Variants in CFAP20DC observed in about 807,000 individuals in gnomAD.
CFAP20DC encodes protein CFAP20DC.
CFAP20DC carries 84 observed loss-of-function variants against 101.7 expected under a neutral mutation model. The observed-to-expected ratio is 0.83, with a 90% CI of 0.69 to 0.99. The LOEUF (loss-of-function observed/expected upper bound fraction) is 0.99, where lower values mean the gene tolerates loss of function less well. Among genes scored for constraint, CFAP20DC ranks in the 50% least tolerant of loss-of-function variants. The pLI is 0.00. For synonymous variants in CFAP20DC, 359 were observed against 351.2 expected (o/e 1.02, Z -0.25); for missense variants, 1,007 against 970.3 (o/e 1.04, Z -0.50).
chr3:58,754,177 C>T (rs3762705), intron 15 of CFAP20DC, among the ~76,000 whole-genome samples: 12,625 of 152,116 alleles, frequency 0.083, 895 homozygotes, highest in East Asian at 0.35. Context: ...TCAGAGGAAA[C>T]GTAGCTGAGA....
At chr3:58,807,263 T>G (rs1330852837) in intron 14 of CFAP20DC, among the ~76,000 whole-genome samples, 1 of 152,166 alleles carries the variant, frequency 6.6e-6, no homozygotes, top group Non-Finnish European at 1.5e-5. Flanking sequence ...GACTGCCTCC[T>G]CAAGTGGGTC....
chr3:58,822,472 G>T (rs149623560), intron 14 of CFAP20DC, among the ~76,000 whole-genome samples: 1,572 of 150,340 alleles, frequency 0.01, 54 homozygotes, highest in African/African-American at 0.036. Flanking sequence ...AGCATCAGGA[G>T]ATATACCTAA....
intron 3 of CFAP20DC, among the ~76,000 whole-genome samples, chr3:59,043,005 G>A (rs1367097153): frequency 6.6e-6 from 1 of 152,190 alleles, no homozygotes; most frequent in Non-Finnish European, 1.5e-5. Flanking sequence ...AAGGAATTTC[G>A]AGGAGTAAAG....
At chr3:58,789,372 G>T (rs186948122) in intron 15 of CFAP20DC, among the ~76,000 whole-genome samples, 1 of 152,218 alleles carries the variant, frequency 6.6e-6, no homozygotes, top group African/African-American at 2.4e-5. Context: ...AGCTCTCTGG[G>T]CTTTTGTAAA....
intron 14 of CFAP20DC, among the ~76,000 whole-genome samples, chr3:58,829,570 T>C (rs903498812): frequency 6.6e-6 from 1 of 152,176 alleles, no homozygotes; most frequent in African/African-American, 2.4e-5. Context: ...GATGCAATAA[T>C]AAACATATCT....
intron 4 of CFAP20DC, among the ~76,000 whole-genome samples, chr3:58,996,863 C>A (rs550015661): frequency 2.6e-4 from 40 of 152,314 alleles, no homozygotes; most frequent in Middle Eastern, 3.4e-3. Flanking sequence ...GAGGGGTTCT[C>A]CAACAGGCAT....
At chr3:58,834,548 G>T (rs750502320) in intron 13 of CFAP20DC, among the ~76,000 whole-genome samples, 11 of 152,136 alleles carry the variant, frequency 7.2e-5, no homozygotes, top group Non-Finnish European at 1.5e-4. Flanking sequence ...TAGGAGAGAA[G>T]AATAAGAGAG....
intron 5 of CFAP20DC, among the ~76,000 whole-genome samples, chr3:58,929,123 G>C (rs190052365): frequency 6.6e-6 from 1 of 152,098 alleles, no homozygotes; most frequent in Admixed American, 6.6e-5. Context: ...CTCATTTATC[G>C]AATATGAAAG....
At chr3:59,030,739 T>G (rs1441988233) in intron 4 of CFAP20DC, among the ~76,000 whole-genome samples, 3 of 152,234 alleles carry the variant, frequency 2.0e-5, no homozygotes, top group Non-Finnish European at 4.4e-5. Flanking sequence ...AGATATCAAC[T>G]GCTCTCTGGC....
At chr3:58,985,955 T>C (rs1031277042) in intron 4 of CFAP20DC, among the ~76,000 whole-genome samples, 3 of 152,216 alleles carry the variant, frequency 2.0e-5, no homozygotes, top group Non-Finnish European at 4.4e-5. Context: ...GATGAGAGAA[T>C]GTCCAGACAG....
At chr3:58,806,702 G>T (rs1459416763) in intron 14 of CFAP20DC, among the ~76,000 whole-genome samples, 1 of 152,216 alleles carries the variant, frequency 6.6e-6, no homozygotes, top group Non-Finnish European at 1.5e-5. Flanking sequence ...ACTAGGGAGT[G>T]CCAGATAGTG....
intron 4 of CFAP20DC, among the ~76,000 whole-genome samples, chr3:58,999,756 T>A (rs371605477): frequency 1.3e-5 from 2 of 151,072 alleles, no homozygotes; most frequent in Non-Finnish European, 2.9e-5. Context: ...AAATACTACA[T>A]CTGAATTTTC....
At chr3:58,776,601 C>G (rs2071359555) in intron 15 of CFAP20DC, among the ~76,000 whole-genome samples, 2 of 150,332 alleles carry the variant, frequency 1.3e-5, no homozygotes, top group Non-Finnish European at 3.0e-5. Context: ...AATATATAAG[C>G]TAGAATTCAA....
At chr3:58,806,001 C>T (rs1443311414) in intron 15 of CFAP20DC, among the ~76,000 whole-genome samples, 1 of 152,168 alleles carries the variant, frequency 6.6e-6, no homozygotes, top group East Asian at 1.9e-4. Flanking sequence ...ATTTACCAAA[C>T]ATCAGACACC....
chr3:58,979,364 T>C (rs764909157), intron 4 of CFAP20DC, among the ~76,000 whole-genome samples: 2 of 152,222 alleles, frequency 1.3e-5, no homozygotes, highest in Non-Finnish European at 2.9e-5. Context: ...AATGCAATAA[T>C]GTATGTAAAT....
intron 15 of CFAP20DC, among the ~76,000 whole-genome samples, chr3:58,787,116 A>C (rs2072415088): frequency 6.6e-6 from 1 of 151,978 alleles, no homozygotes; most frequent in Admixed American, 6.6e-5. Context: ...TTTTATATAA[A>C]AGTAATTTTA....
At chr3:58,865,153 A>G (rs572564362) in intron 11 of CFAP20DC, among the ~76,000 whole-genome samples, 6 of 150,516 alleles carry the variant, frequency 4.0e-5, no homozygotes, top group East Asian at 2.0e-4. Flanking sequence ...TTGCAGAATC[A>G]CAGTGTGGAC....
In CFAP20DC at chr3:58,795,678, A is replaced by G. The variant is rs2073189882; in HGVS notation, c.2237+10717T>C. 6.6e-6 allele frequency among the ~76,000 whole-genome samples: 1 copy of G among 152,214 alleles called. No homozygotes were observed. The highest frequency in any genetic ancestry group is 6.5e-5 in the Admixed American group (1 of 15,282). ...GTAATAGCGAAAGCCAAGATTCTTCAGGTATCTGTCTTTTCAGACACAGAA... is the reference window on the plus strand; with the variant it reads ...GTAATAGCGAAAGCCAAGATTCTTCGGGTATCTGTCTTTTCAGACACAGAA... On this transcript the variant is annotated intron_variant, in intron 15 of 16. Transcript: ENST00000482387. This position sits in a 1 kb window ranked among gnomAD's most constrained non-coding sequence, Gnocchi z 4.2.
At chr3:58,916,744 CAG>C (rs1471579422) in intron 5 of CFAP20DC, among the ~76,000 whole-genome samples, 1 of 152,036 alleles carries the variant, frequency 6.6e-6, no homozygotes, top group African/African-American at 2.4e-5. Flanking sequence ...CTAGAGGAAA[CAG>C]AAATTATTTT....
Sources: allele counts gnomAD v4.1 joint callset (sites outside exome capture counted in the v4.1 genomes callset), GRCh38; gene constraint gnomAD v4.1.1; non-coding constraint Gnocchi (gnomAD v3.1); transcripts MANE v1.5; gene names NCBI Gene and HGNC (gene_info 2026-07-23, HGNC 2026-07-21).